Variants in LIMCH1 observed in about 807,000 individuals in gnomAD.
The protein encoded by LIMCH1 is LIM and calponin homology domains-containing protein 1.
In LIMCH1, 113 loss-of-function variants were observed where a neutral mutation model predicts 176.5. The ratio of observed to expected loss-of-function variants is 0.64; its 90% confidence interval spans 0.55 to 0.75. LIMCH1 has a LOEUF of 0.75. Among genes scored for constraint, LIMCH1 ranks in the 30% least tolerant of loss-of-function variants. The pLI is 0.00. For missense variants in LIMCH1, 1,674 were observed against 1,814.9 expected, an observed-to-expected ratio of 0.92 and a Z score of 1.41; for synonymous variants, 619 against 645.9, an observed-to-expected ratio of 0.96 and a Z score of 0.63.
In LIMCH1 at chr4:41,565,759, G is replaced by C. The variant is rs891059448; in HGVS notation, c.-241+27409G>C. 1.0e-3 allele frequency among the ~76,000 whole-genome samples: 156 copies of C among 152,206 alleles called. 1 individual carries two copies. Among genetic ancestry groups the C allele is most frequent in the Non-Finnish European group, 2.4e-4 (16 of 68,008 alleles). On this transcript the variant is annotated intron_variant, in intron 1 of 31. Coordinates refer to ENST00000503057, the MANE Select transcript of LIMCH1 (RefSeq NM_001330672.2). The stretch of plus-strand genomic sequence containing the variant: ...TGGCACTGGAGTTGTGATGTATGTG[G>C]TTGGAGCTTAGGAATCTGTTGCTGC...
In LIMCH1 at chr4:41,590,366, T is replaced by C. The variant is rs1307307378; in HGVS notation, c.-240-8554T>C. On this transcript the variant is annotated intron_variant, in intron 1 of 31. Transcript: ENST00000503057. ...TCCTAAAGTGCTGAAATTATAGGCA[T>C]GAACTACCACGCCAGGCCTGGGATC... Among the ~76,000 whole-genome samples, 6 of 152,236 alleles carry C rather than the reference T, an allele frequency of 3.9e-5. No homozygotes were observed. The East Asian group carries it at 1.2e-3, about 29-fold the overall frequency.
intron 1 of LIMCH1, among the ~76,000 whole-genome samples, chr4:41,483,400 A>G (rs2068981767): frequency 6.6e-6 from 1 of 152,106 alleles, no homozygotes; most frequent in African/African-American, 2.4e-5. Flanking sequence ...GGAGTGGGAG[A>G]GTCCACGGAG....
intron 18 of LIMCH1, 90 bp from the exon 19 acceptor site, chr4:41,661,330 T>G: frequency 1.1e-6 from 1 of 894,356 alleles, no homozygotes; most frequent in Admixed American, 2.4e-5. Context: ...CCAAACCACT[T>G]TGTTGACCTA....
intron 1 of LIMCH1, among the ~76,000 whole-genome samples, chr4:41,378,635 G>A (rs1006229683): frequency 2.6e-5 from 4 of 152,176 alleles, no homozygotes; most frequent in African/African-American, 9.7e-5. Flanking sequence ...ATGGAAGCAG[G>A]GAGGCCATAG....
intron 1 of LIMCH1, among the ~76,000 whole-genome samples, chr4:41,594,162 A>T (rs1231994165): frequency 6.6e-6 from 1 of 152,214 alleles, no homozygotes; most frequent in Non-Finnish European, 1.5e-5. Context: ...TTTAAATTAG[A>T]CTATTACACC....
At chr4:41,401,556 C>A (rs1184947490) in intron 1 of LIMCH1, among the ~76,000 whole-genome samples, 1 of 151,940 alleles carries the variant, frequency 6.6e-6, no homozygotes, top group Non-Finnish European at 1.5e-5. Flanking sequence ...TAGTTTTTTC[C>A]AATTCTGTGA....
rs117684171 is a variant in LIMCH1 at position 41,658,812 on chromosome 4, A to G, written c.3037-2608A>G. On this transcript the variant is annotated intron_variant, in intron 18 of 31. Coordinates refer to ENST00000503057, the MANE Select transcript of LIMCH1 (RefSeq NM_001330672.2). Reference sequence around the variant, plus strand: ...TGGTGAGGCTTTGGCCCTGTTGTGTAGTTATTTATTTTGTTTATAGTATTT... The same window carrying G: ...TGGTGAGGCTTTGGCCCTGTTGTGTGGTTATTTATTTTGTTTATAGTATTT... Among the ~76,000 whole-genome samples the G allele has an allele frequency of 2.8e-4, 43 of 152,206 alleles. No individual in the cohort carries two copies. The East Asian group carries it at 8.3e-3, about 29-fold the overall frequency.
chr4:41,616,042 C>T (rs985351156), intron 5 of LIMCH1, among the ~76,000 whole-genome samples: 4 of 152,120 alleles, frequency 2.6e-5, no homozygotes, highest in African/African-American at 9.7e-5. Context: ...CTTATGAGTC[C>T]ACTTAATGGG....
chr4:41,669,756 A>G (rs967335183), intron 21 of LIMCH1, among the ~76,000 whole-genome samples: 8 of 152,194 alleles, frequency 5.3e-5, no homozygotes, highest in African/African-American at 1.7e-4. Flanking sequence ...TTTGTCTTCA[A>G]TTGGGATGGG....
rs959460620 is a variant in LIMCH1 at position 41,620,610 on chromosome 4, A to G, written c.645A>G (p.Lys215=). ...VVAPAPKSEE[K]DAAEIQKRKR... ...CACCAGCTCCCAAGTCTGAAGAAAAAGATGCTGCTGAGATCCAAAAGCGCA... is the reference window on the plus strand; with the variant it reads ...CACCAGCTCCCAAGTCTGAAGAAAAGGATGCTGCTGAGATCCAAAAGCGCA... The change falls in exon 7 of 32, where the codon AAA becomes AAG. Residue 215 remains lysine (K), a synonymous_variant. Transcript: ENST00000503057. 4.6e-6 allele frequency: 7 copies of G among 1,536,040 alleles called. No homozygotes were observed. The highest frequency in any genetic ancestry group is 2.0e-5 in the Admixed American group (1 of 50,982).
intron 1 of LIMCH1, among the ~76,000 whole-genome samples, chr4:41,388,962 A>G (rs2056866099): frequency 6.6e-6 from 1 of 152,178 alleles, no homozygotes; most frequent in Non-Finnish European, 1.5e-5. Flanking sequence ...GTTTTTTTAA[A>G]CATAATGAAT....
Position 41,493,142 on chromosome 4 carries a change from C to A in LIMCH1, c.97-1394C>A, listed in dbSNP as rs139149501. Among the ~76,000 whole-genome samples, 832 of 152,128 alleles carry A rather than the reference C, an allele frequency of 5.5e-3. 3 individuals carry two copies. The highest frequency in any genetic ancestry group is 8.2e-3 in the Non-Finnish European group (556 of 67,996). ...GATCCTGCTTTTTTAGCCATTCTGA[C>A]AATCTCTGTCTTTTAATTGGGGATG... On this transcript the variant is annotated intron_variant, in intron 1 of 26. Coordinates refer to the LIMCH1 transcript ENST00000313860.
chr4:41,625,105 T>C (rs559340015), intron 7 of LIMCH1, among the ~76,000 whole-genome samples: 3 of 152,342 alleles, frequency 2.0e-5, no homozygotes, highest in African/African-American at 4.8e-5. Flanking sequence ...CCAGACAGCC[T>C]GGCCTGCCCC....
At chr4:41,694,853 A>G (rs1473015256) in intron 31 of LIMCH1, among the ~76,000 whole-genome samples, 2 of 152,140 alleles carry the variant, frequency 1.3e-5, no homozygotes, top group Non-Finnish European at 2.9e-5. Context: ...CTCTCCCTGC[A>G]AAATGTATGA....
intron 15 of LIMCH1, among the ~76,000 whole-genome samples, chr4:41,645,894 A>T (rs566334794): frequency 6.6e-6 from 1 of 152,374 alleles, no homozygotes; most frequent in African/African-American, 2.4e-5. Flanking sequence ...ATTTAAATAA[A>T]TGTGCAGCCC....
intron 9 of LIMCH1, 24 bp from the exon 10 acceptor site, chr4:41,631,124 G>C: frequency 6.9e-7 from 1 of 1,458,652 alleles, no homozygotes; most frequent in Non-Finnish European, 9.0e-7. Context: ...GACACTTTTA[G>C]AACTTATTTC....
chr4:41,625,174 A>G (rs541900377), intron 7 of LIMCH1, among the ~76,000 whole-genome samples: 2 of 152,264 alleles, frequency 1.3e-5, no homozygotes, highest in African/African-American at 2.4e-5. Flanking sequence ...AGACCTTAAT[A>G]TTCTCTTCTG....
chr4:41,547,861 G>A lies in LIMCH1; in HGVS notation c.-241+9511G>A, dbSNP rs867474546. 3.9e-3 allele frequency among the ~76,000 whole-genome samples: 333 copies of A among 84,872 alleles called. 3 individuals are homozygous for A. Among genetic ancestry groups the A allele is most frequent in the African/African-American group, 0.012 (294 of 25,280 alleles). The allele number at this position is 84,872 out of a possible 152,430, so 55.7% of individuals were successfully genotyped here. On this transcript the variant is annotated intron_variant, in intron 1 of 31. Coordinates refer to ENST00000503057, the MANE Select transcript of LIMCH1 (RefSeq NM_001330672.2). ...GTTTTATGATATATAATTTGTGTGT[G>A]TGTATATATATATATATATATATAT...
intron 1 of LIMCH1, among the ~76,000 whole-genome samples, chr4:41,392,052 A>G (rs950592285): frequency 1.3e-5 from 2 of 152,210 alleles, no homozygotes; most frequent in African/African-American, 4.8e-5. Flanking sequence ...GTTGTGAATG[A>G]GAACCATGTG....
Sources: gnomAD v4.1 joint callset for allele counts (sites outside exome capture counted in the v4.1 genomes callset) on GRCh38, gnomAD v4.1.1 for gene constraint, MANE v1.5 for transcripts, NCBI Gene and HGNC (gene_info 2026-07-23, HGNC 2026-07-21) for gene names.